FUT9: variants seen among roughly 807,000 people sequenced by gnomAD.
FUT9 encodes 4-galactosyl-N-acetylglucosaminide 3-alpha-L-fucosyltransferase 9.
In FUT9, 15 loss-of-function variants were observed where a neutral mutation model predicts 29.7. That is an observed-to-expected ratio of 0.51 (90% CI 0.34 to 0.78). The LOEUF is 0.78. Among genes scored for constraint, FUT9 ranks in the 30% least tolerant of loss-of-function variants. The probability of loss-of-function intolerance (pLI) is 0.01; values close to 1 mark genes in which losing one functional copy is unlikely to be tolerated. For missense variants in FUT9, 319 were observed against 425.4 expected (o/e 0.75, Z 2.20); for synonymous variants, 169 against 153.7 (o/e 1.10, Z -0.74).
intron 1 of FUT9, among the ~76,000 whole-genome samples, chr6:96,059,744 T>C (rs1770839310): frequency 6.6e-6 from 1 of 152,188 alleles, no homozygotes; most frequent in African/African-American, 2.4e-5. Flanking sequence ...TGCCCCATAA[T>C]ATCTACTCTG....
intron 2 of FUT9, among the ~76,000 whole-genome samples, chr6:96,120,681 T>C (rs555941141): frequency 2.8e-4 from 39 of 138,022 alleles, no homozygotes; most frequent in Non-Finnish European, 4.5e-4. Flanking sequence ...ATATTTGCAG[T>C]TTTGACTTCT....
intron 1 of FUT9, among the ~76,000 whole-genome samples, chr6:96,061,854 C>T (rs1770879947): frequency 6.6e-6 from 1 of 152,192 alleles, no homozygotes; most frequent in South Asian, 2.1e-4. Flanking sequence ...TAGAGGGATT[C>T]TCCCAGAGTA....
intron 1 of FUT9, among the ~76,000 whole-genome samples, chr6:96,059,238 G>A (rs1392521728): frequency 1.3e-5 from 2 of 152,124 alleles, no homozygotes; most frequent in African/African-American, 4.8e-5. Context: ...AGAATGTTGT[G>A]CATTTAGTAC....
In FUT9 at chr6:96,203,431, T is replaced by C. The variant is rs749109692; in HGVS notation, c.276T>C (p.His92=). ...CAATGTTCAACATCCAAGGATGCCATCTCACAACGGACCGTTCACTGTACA... is the reference window on the plus strand; with the variant it reads ...CAATGTTCAACATCCAAGGATGCCACCTCACAACGGACCGTTCACTGTACA... ...CQAMFNIQGC[H]LTTDRSLYNK... is the part of the protein sequence containing the mutation. The change falls in exon 3 of 3, where the codon CAT becomes CAC. Residue 92 remains histidine (H), a synonymous_variant. Coordinates refer to ENST00000302103, the MANE Select transcript of FUT9 (RefSeq NM_006581.4). 2 of 1,608,352 alleles carry C rather than the reference T, an allele frequency of 1.2e-6. No homozygotes were observed. The highest frequency in any genetic ancestry group is 2.2e-5 in the East Asian group (1 of 44,814).
In FUT9 at chr6:96,204,621, T is replaced by C. The variant is rs1226388331; in HGVS notation, c.*386T>C. On this transcript the variant is annotated 3_prime_UTR_variant, in exon 3 of 3. Coordinates refer to ENST00000302103, the MANE Select transcript of FUT9 (RefSeq NM_006581.4). ...ATCTTAAAGTATGAAAAATTTTCACTAAGTATTACAATGTCTAGTTCCAAC... is the reference window on the plus strand; with the variant it reads ...ATCTTAAAGTATGAAAAATTTTCACCAAGTATTACAATGTCTAGTTCCAAC... 5.9e-6 allele frequency: 1 copy of C among 168,948 alleles called. No individual in the cohort carries two copies. The highest frequency in any genetic ancestry group is 2.4e-5 in the African/African-American group (1 of 41,550). The allele number at this position is 168,948 out of a possible 1,614,324, so 10.5% of individuals were successfully genotyped here.
chr6:96,124,712 T>A (rs1326065194), intron 2 of FUT9, among the ~76,000 whole-genome samples: 1 of 152,168 alleles, frequency 6.6e-6, no homozygotes, highest in Non-Finnish European at 1.5e-5. Flanking sequence ...CCTTTTCTTT[T>A]TTTAAATGAC....
At chr6:96,022,377 G>C (rs936666879) in intron 1 of FUT9, among the ~76,000 whole-genome samples, 1 of 152,076 alleles carries the variant, frequency 6.6e-6, no homozygotes, top group South Asian at 2.1e-4. Flanking sequence ...AATTGTGTTT[G>C]TCTGTCTGCA....
intron 1 of FUT9, chr6:96,036,953 T>G (rs1582185012): frequency 3.3e-5 from 5 of 151,988 alleles, no homozygotes; most frequent in African/African-American, 1.2e-4. Flanking sequence ...AACAAACTCT[T>G]AAGTAAACTC....
At chr6:96,106,545 T>C (rs1270389150) in intron 1 of FUT9, among the ~76,000 whole-genome samples, 3 of 152,150 alleles carry the variant, frequency 2.0e-5, no homozygotes, top group Admixed American at 1.3e-4. Context: ...TTTGGCTGAC[T>C]TTACCTCTTA....
intron 1 of FUT9, among the ~76,000 whole-genome samples, chr6:96,025,749 T>C (rs1308001545): frequency 6.6e-6 from 1 of 151,704 alleles, no homozygotes; most frequent in African/African-American, 2.4e-5. Flanking sequence ...TTTGTCAGCA[T>C]CCCATCCTCA....
At chr6:96,103,874 G>A (rs1235926861) in intron 1 of FUT9, among the ~76,000 whole-genome samples, 1 of 152,000 alleles carries the variant, frequency 6.6e-6, no homozygotes, top group Non-Finnish European at 1.5e-5. Flanking sequence ...AAGTTAATTG[G>A]TGGATCCATC....
At chr6:96,191,497 C>T (rs1369543437) in intron 2 of FUT9, among the ~76,000 whole-genome samples, 3 of 152,104 alleles carry the variant, frequency 2.0e-5, no homozygotes, top group African/African-American at 7.2e-5. Context: ...TGGATAAATT[C>T]CTGGACACAT....
chr6:96,019,204 A>G (rs1770028959), intron 1 of FUT9, among the ~76,000 whole-genome samples: 2 of 152,002 alleles, frequency 1.3e-5, no homozygotes, highest in South Asian at 2.1e-4. Context: ...AAAAGCACAC[A>G]TATTTACACC....
chr6:96,150,869 A>G (rs150784230), intron 2 of FUT9, among the ~76,000 whole-genome samples: 1 of 152,210 alleles, frequency 6.6e-6, no homozygotes, highest in Non-Finnish European at 1.5e-5. Context: ...GGTAAGGGCA[A>G]TATAACACTC....
chr6:96,118,186 G>C (rs4840224), intron 2 of FUT9, among the ~76,000 whole-genome samples: 136,373 of 150,068 alleles, frequency 0.91, 63,057 homozygotes, highest in East Asian at 1. Context: ...GCCTGGGCAA[G>C]AGAGTAAGAG....
chr6:96,170,985 T>A (rs910342963), intron 2 of FUT9, among the ~76,000 whole-genome samples: 1 of 152,218 alleles, frequency 6.6e-6, no homozygotes, highest in Non-Finnish European at 1.5e-5. Context: ...ACATTCTCAC[T>A]GTTTCAGCTG....
At chr6:96,193,224 G>A (rs1773550819) in intron 2 of FUT9, among the ~76,000 whole-genome samples, 1 of 139,768 alleles carries the variant, frequency 7.2e-6, no homozygotes, top group African/African-American at 2.6e-5. Flanking sequence ...AAACTAAAGA[G>A]CTTCTGCACA....
chr6:96,082,528 A>T (rs1253219463), intron 1 of FUT9, among the ~76,000 whole-genome samples: 1 of 151,924 alleles, frequency 6.6e-6, no homozygotes, highest in African/African-American at 2.4e-5. Context: ...TGAATTATAT[A>T]ACAATAGCTT....
At chr6:96,055,192 CTTAT>C (rs1770740182) in intron 1 of FUT9, among the ~76,000 whole-genome samples, 1 of 151,872 alleles carries the variant, frequency 6.6e-6, no homozygotes, top group Non-Finnish European at 1.5e-5. Context: ...ATTTTTCATT[CTTAT>C]TTAATAATGA....
Sources: gnomAD v4.1 joint callset for allele counts (sites outside exome capture counted in the v4.1 genomes callset) on GRCh38, gnomAD v4.1.1 for gene constraint, MANE v1.5 for transcripts, NCBI Gene and HGNC (gene_info 2026-07-23, HGNC 2026-07-21) for gene names.